Variants in ATP1B3 observed in about 807,000 individuals in gnomAD.
ATP1B3 encodes sodium/potassium-transporting ATPase subunit beta-3.
Under a neutral mutation model 30.2 loss-of-function variants are expected in ATP1B3, and 10 were observed. That is an observed-to-expected ratio of 0.33 (90% CI 0.20 to 0.56). The LOEUF (loss-of-function observed/expected upper bound fraction) is 0.56. Ranked by LOEUF, ATP1B3 falls within the 20% of genes least tolerant of loss-of-function variation. The pLI, the probability that ATP1B3 is intolerant of heterozygous loss-of-function variation, is 0.90. For synonymous variants in ATP1B3, 113 were observed against 117.0 expected, an observed-to-expected ratio of 0.97 and a Z score of 0.22; for missense variants, 238 against 336.7, an observed-to-expected ratio of 0.71 and a Z score of 2.29.
intron 1 of ATP1B3, among the ~76,000 whole-genome samples, chr3:141,899,686 A>G (rs185689515): frequency 6.6e-6 from 1 of 152,322 alleles, no homozygotes; most frequent in African/African-American, 2.4e-5. Context: ...CCTGATGAAC[A>G]TGGAGAAACC....
intron 1 of ATP1B3, among the ~76,000 whole-genome samples, chr3:141,896,445 C>G (rs1252863769): frequency 6.6e-6 from 1 of 152,100 alleles, no homozygotes; most frequent in Non-Finnish European, 1.5e-5. Context: ...TGCTTGAGCC[C>G]AGGAGTTTGA....
At chr3:141,922,978 A>ATAGGTTAGTGGACT in intron 6 of ATP1B3, among the ~76,000 whole-genome samples, 1 of 150,998 alleles carries the variant, frequency 6.6e-6, no homozygotes, top group East Asian at 2.0e-4. Context: ...AAAAGAAAAA[A>ATAGGTTAGTGGACT]AATCAAAAGC....
At position 141,925,597 on chromosome 3, in the gene ATP1B3, G is replaced by A. The variant is rs201733567; in HGVS notation, c.736G>A (p.Val246Ile). The stretch of plus-strand genomic sequence containing the variant: ...TGCTCCTAACAACACTGGGAAAGAA[G>A]TAACAGTTGAGTGCAAGATTGATGG... ...SFAPNNTGKE[V>I]TVECKIDGSA... The change falls in exon 7 of 7, where the codon GTA (valine) becomes ATA (isoleucine). Residue 246 changes from valine (V) to isoleucine (I), a missense_variant. By Grantham distance (29) the Val-to-Ile change is conservative. Coordinates refer to ENST00000286371, the MANE Select transcript of ATP1B3 (RefSeq NM_001679.4). 163 of 1,613,894 alleles carry A rather than the reference G, an allele frequency of 1.0e-4. No individual in the cohort carries two copies. Among genetic ancestry groups the A allele is most frequent in the Non-Finnish European group, 2.7e-5 (32 of 1,179,864 alleles).
chr3:141,891,263 T>G (rs1559866722), intron 1 of ATP1B3, among the ~76,000 whole-genome samples: 1 of 152,190 alleles, frequency 6.6e-6, no homozygotes, highest in African/African-American at 2.4e-5. Context: ...AAAATACATG[T>G]GTAAATTTGT....
intron 3 of ATP1B3, among the ~76,000 whole-genome samples, chr3:141,908,664 C>T (rs1350644131): frequency 6.6e-6 from 1 of 152,200 alleles, no homozygotes; most frequent in Admixed American, 6.5e-5. Flanking sequence ...GCACCTCCCT[C>T]AAATGGACTT....
chr3:141,925,528 C>T lies in ATP1B3; in HGVS notation c.670-3C>T, dbSNP rs1470641299. 6.3e-7 allele frequency: 1 copy of T among 1,590,808 alleles called. No homozygotes were observed. The highest frequency in any genetic ancestry group is 8.5e-7 in the Non-Finnish European group (1 of 1,171,334). Reference sequence around the variant, plus strand: ...AATTAATATATTTTCCTTTTATTGCCAGGTTGGGTATCTACAGCCATTGGT... The same window carrying T: ...AATTAATATATTTTCCTTTTATTGCTAGGTTGGGTATCTACAGCCATTGGT... On this transcript the variant is annotated splice_polypyrimidine_tract_variant and splice_region_variant and intron_variant, in intron 6 of 6. Transcript: ENST00000286371.
chr3:141,913,819 C>T lies in ATP1B3; in HGVS notation c.514C>T (p.Leu172Phe). ...CTATTCTCAAGGAAACCCTTGTATT[C>T]TTGTGAAAATGAACAGAGTACGTAC... ...FGYSQGNPCI[L>F]VKMNRIIGLK... The change falls in exon 4 of 7, where the codon CTT becomes TTT. Residue 172 changes from leucine to phenylalanine, a missense_variant. By Grantham distance (22) the Leu-to-Phe change is conservative (BLOSUM62 0). This residue lies in a region of ATP1B3 where 58 missense variants were observed against 125.6 expected (regional missense o/e 0.46). Coordinates refer to ENST00000286371, the MANE Select transcript of ATP1B3 (RefSeq NM_001679.4). The T allele has an allele frequency of 3.1e-6, 5 of 1,612,356 alleles. No homozygotes were observed. The South Asian group carries it at 3.3e-5, about 11-fold the overall frequency.
chr3:141,883,817 G>A (rs555936087), intron 1 of ATP1B3, among the ~76,000 whole-genome samples: 1 of 152,242 alleles, frequency 6.6e-6, no homozygotes, highest in Non-Finnish European at 1.5e-5. Flanking sequence ...CAATTTTGGG[G>A]CATTTTCCTT....
intron 5 of ATP1B3, among the ~76,000 whole-genome samples, chr3:141,921,102 A>C (rs539665077): frequency 1.3e-5 from 2 of 152,266 alleles, no homozygotes; most frequent in South Asian, 4.1e-4. Context: ...TCAAGTATTT[A>C]ATAATGTTTT....
intron 5 of ATP1B3, among the ~76,000 whole-genome samples, chr3:141,917,899 C>G (rs1037821080): frequency 6.6e-6 from 1 of 151,798 alleles, no homozygotes; most frequent in African/African-American, 2.4e-5. Context: ...TCCCAAGTAA[C>G]TGGGACTACA....
At chr3:141,924,137 A>C (rs1265902619) in intron 6 of ATP1B3, among the ~76,000 whole-genome samples, 1 of 151,882 alleles carries the variant, frequency 6.6e-6, no homozygotes, top group Non-Finnish European at 1.5e-5. Context: ...TGAGGTGGAG[A>C]GTTCGAGACC....
chr3:141,886,848 A>G (rs1347974322), intron 1 of ATP1B3, among the ~76,000 whole-genome samples: 1 of 152,178 alleles, frequency 6.6e-6, no homozygotes, highest in East Asian at 1.9e-4. Flanking sequence ...AAATAATTTT[A>G]AAAAATTAGC....
chr3:141,918,526 C>G (rs530003646), intron 5 of ATP1B3, among the ~76,000 whole-genome samples: 50 of 151,686 alleles, frequency 3.3e-4, no homozygotes, highest in African/African-American at 1.2e-3. Context: ...CTCACCTTTG[C>G]CTCCCGGGTT....
chr3:141,891,795 CTG>C (rs890578325), intron 1 of ATP1B3, among the ~76,000 whole-genome samples: 5 of 148,118 alleles, frequency 3.4e-5, no homozygotes, highest in African/African-American at 7.5e-5. Flanking sequence ...TTTTGGATAT[CTG>C]TGTTTTTTTA....
Position 141,925,867 on chromosome 3 carries a change from T to G in ATP1B3, c.*166T>G. ...TTCCAGATCATAGTGTTCAGTGTCC[T>G]CTGAAGTAACTGCCTGTTGCCTCTG... is the stretch of plus-strand genomic sequence containing the variant. On this transcript the variant is annotated 3_prime_UTR_variant, in exon 7 of 7. Transcript: ENST00000286371. The G allele has an allele frequency of 1.2e-6, 1 of 844,816 alleles. No individual in the cohort carries two copies. The highest frequency in any genetic ancestry group is 2.0e-5 in the South Asian group (1 of 50,076). 52.3% of individuals were successfully genotyped at this position (844,816 alleles called of 1,614,324 possible). A position where few individuals can be genotyped will look rare whatever the true frequency, so the allele number is the denominator to read the frequency against.
At chr3:141,903,173 ATAAT>A (rs1175075512) in intron 1 of ATP1B3, 1 of 153,866 alleles carries the variant, frequency 6.5e-6, no homozygotes, top group Non-Finnish European at 1.4e-5. Flanking sequence ...ATTTAAGCAA[ATAAT>A]TACTGTCTGT....
chr3:141,906,302 C>G (rs1489014206), intron 2 of ATP1B3, among the ~76,000 whole-genome samples: 1 of 152,060 alleles, frequency 6.6e-6, no homozygotes, highest in African/African-American at 2.4e-5. Context: ...GCCTCAGTCT[C>G]CCAAGTAACT....
chr3:141,876,768 G>A lies in ATP1B3; in HGVS notation c.-34G>A, dbSNP rs778161614. On this transcript the variant is annotated 5_prime_UTR_variant, in exon 1 of 7. Coordinates refer to ENST00000286371, the MANE Select transcript of ATP1B3 (RefSeq NM_001679.4). Reference sequence around the variant, plus strand: ...CAGCCCTCGCCGCCTCCATCCCCGCGGCCGCAGCTCCTCTCGCCGTCCGCG... The same window carrying A: ...CAGCCCTCGCCGCCTCCATCCCCGCAGCCGCAGCTCCTCTCGCCGTCCGCG... 6.4e-6 allele frequency: 10 copies of A among 1,556,688 alleles called. No individual in the cohort carries two copies. In the Admixed American group the frequency reaches 6.9e-5, roughly 11 times the overall value.
chr3:141,923,277 CAA>C (rs35588152), intron 6 of ATP1B3, among the ~76,000 whole-genome samples: 98 of 144,692 alleles, frequency 6.8e-4, no homozygotes, highest in Non-Finnish European at 7.1e-4. Context: ...GACTCTATCT[CAA>C]AAAAAAAAAA....
Sources: gnomAD v4.1 joint callset for allele counts (sites outside exome capture counted in the v4.1 genomes callset) on GRCh38, gnomAD v4.1.1 for gene constraint, gnomAD v4.1.1 regional missense constraint, MANE v1.5 for transcripts, NCBI Gene and HGNC (gene_info 2026-07-23, HGNC 2026-07-21) for gene names.